Variants in NAT10 observed in about 807,000 individuals in gnomAD.
NAT10 encodes N-acetyltransferase 10.
In NAT10, 109 loss-of-function variants were observed where a neutral mutation model predicts 132.2. The ratio of observed to expected loss-of-function variants is 0.82; its 90% CI spans 0.71 to 0.97. NAT10 has a LOEUF of 0.97. Among genes scored for constraint, NAT10 ranks in the 50% least tolerant of loss-of-function variants. The probability of loss-of-function intolerance (pLI) is 0.00; values close to 1 mark genes in which losing one functional copy is unlikely to be tolerated. For missense variants in NAT10, 1,184 were observed against 1,263.4 expected (o/e 0.94, Z 0.95); for synonymous variants, 479 against 478.0 (o/e 1.00, Z -0.03).
At chr11:34,118,698 G>T (rs1045140331) in intron 8 of NAT10, among the ~76,000 whole-genome samples, 195 bp downstream of exon 8, 5 of 151,940 alleles carry the variant, frequency 3.3e-5, no homozygotes, top group African/African-American at 1.2e-4. Flanking sequence ...AGAAGTCTGG[G>T]GATTACCTCC....
rs535748638 is a variant in NAT10 at position 34,145,137 on chromosome 11, G to A, written c.2970-947G>A. Among the ~76,000 whole-genome samples the A allele has an allele frequency of 2.6e-5, 4 of 152,328 alleles. No homozygotes were observed. The South Asian group carries it at 6.2e-4, about 24-fold the overall frequency. On this transcript the variant is annotated intron_variant, in intron 28 of 28. Coordinates refer to ENST00000257829, the MANE Select transcript of NAT10 (RefSeq NM_024662.3). ...GTGGCTTTGACTGGAACAAAAGGCCGGGGAGCATGCTTGCTGTGGAGACGG... is the reference window on the plus strand; with the variant it reads ...GTGGCTTTGACTGGAACAAAAGGCCAGGGAGCATGCTTGCTGTGGAGACGG...
chr11:34,130,033 G>A (rs2132962629), intron 12 of NAT10, among the ~76,000 whole-genome samples: 1 of 151,940 alleles, frequency 6.6e-6, no homozygotes, highest in African/African-American at 2.4e-5. Context: ...GGTGTGGAGA[G>A]TGGGCATAAA....
At chr11:34,131,690 C>CTTTT (rs372631421) in intron 14 of NAT10, among the ~76,000 whole-genome samples, 159 bp downstream of exon 14, 2 of 123,918 alleles carry the variant, frequency 1.6e-5, no homozygotes, top group Admixed American at 8.1e-5. Flanking sequence ...TTTTTTCTTT[C>CTTTT]TTTTTTTTTT....
chr11:34,118,043 T>C, intron 6 of NAT10, 137 bp from the exon 7 acceptor site: 1 of 634,714 alleles, frequency 1.6e-6, no homozygotes, highest in Non-Finnish European at 2.8e-6. Flanking sequence ...CTCACACTGC[T>C]CTCCAACTAG....
At chr11:34,107,501 GCTA>G (rs1851616266) in intron 1 of NAT10, among the ~76,000 whole-genome samples, 1 of 152,166 alleles carries the variant, frequency 6.6e-6, no homozygotes, top group South Asian at 2.1e-4. Context: ...TCCAGAAGTA[GCTA>G]CTTTATACTT....
At chr11:34,114,006 A>G (rs964902252) in intron 5 of NAT10, among the ~76,000 whole-genome samples, 168 bp downstream of exon 5, 4 of 152,184 alleles carry the variant, frequency 2.6e-5, no homozygotes, top group Admixed American at 6.5e-5. Flanking sequence ...CTACAGTTAA[A>G]TCTCAGGGTC....
At chr11:34,123,888 G>A (rs779712686) in intron 10 of NAT10, 33 bp downstream of exon 10, 2 of 1,534,904 alleles carry the variant, frequency 1.3e-6, no homozygotes, top group Non-Finnish European at 9.0e-7. Context: ...TTTTATTTTG[G>A]ACCTGGTGTG....
chr11:34,130,507 T>C (rs1286446119), intron 12 of NAT10, among the ~76,000 whole-genome samples: 3 of 152,250 alleles, frequency 2.0e-5, no homozygotes, highest in Non-Finnish European at 4.4e-5. Flanking sequence ...ATCACAGTCC[T>C]GTGAGGTGTA....
At chr11:34,123,455 A>C (rs1851930699) in intron 9 of NAT10, among the ~76,000 whole-genome samples, 1 of 152,262 alleles carries the variant, frequency 6.6e-6, no homozygotes, top group Non-Finnish European at 1.5e-5. Context: ...GCGTCAGCAC[A>C]GCTAGTGATG....
chr11:34,114,759 C>T (rs957582774), intron 5 of NAT10, among the ~76,000 whole-genome samples: 3 of 152,208 alleles, frequency 2.0e-5, no homozygotes, highest in African/African-American at 2.4e-5. Flanking sequence ...TAGGCAGCTC[C>T]GCCTGTCACT....
rs778685348 is a variant in NAT10 at position 34,118,200 on chromosome 11, C to T, written c.578C>T (p.Ser193Phe). The change falls in exon 7 of 29, where the codon TCT becomes TTT. Residue 193 changes from serine (S) to phenylalanine (F), a missense_variant. Physicochemically the swap from Ser to Phe is radical, Grantham distance 155 (BLOSUM62 -2). Transcript: ENST00000257829. ...CTCAGGTTTATTCTGTCTCTGGCCT[C>T]TTGTAAGAAGTGTCTCGTCATTGAT... ...FNERFILSLA[S>F]CKKCLVIDDQ... 4 of 1,614,184 alleles carry T rather than the reference C, an allele frequency of 2.5e-6. No individual in the cohort carries two copies. Among genetic ancestry groups the T allele is most frequent in the South Asian group, 1.1e-5 (1 of 91,088 alleles).
chr11:34,108,809 A>G lies in NAT10; in HGVS notation c.176A>G (p.Tyr59Cys). The change falls in exon 3 of 29, where the codon TAT becomes TGT. Residue 59 changes from tyrosine to cysteine, a missense_variant. Tyr to Cys is a radical substitution (Grantham distance 194). Coordinates refer to ENST00000257829, the MANE Select transcript of NAT10 (RefSeq NM_024662.3). ...VKARPSVLWCYKKELGFSSHR... is the reference protein window; with the variant it reads ...VKARPSVLWCCKKELGFSSHR... ...GCTCGGCCTTCAGTGCTGTGGTGTT[A>G]TAAGAAAGAGCTGGGGTTTAGCAGG... 6.2e-7 allele frequency: 1 copy of G among 1,613,936 alleles called. No homozygotes were observed.
intron 1 of NAT10, chr11:34,107,358 A>G (rs1851614429): frequency 6.6e-6 from 1 of 152,218 alleles, no homozygotes; most frequent in African/African-American, 2.4e-5. Flanking sequence ...TTTTCCCTAA[A>G]ATGAGGAAAC....
chr11:34,106,626 A>G (rs191671731), intron 1 of NAT10, among the ~76,000 whole-genome samples: 4 of 152,320 alleles, frequency 2.6e-5, no homozygotes, highest in African/African-American at 9.6e-5. Flanking sequence ...GGCCGGCAAC[A>G]CAAGGTTTAC....
chr11:34,122,724 T>G, intron 9 of NAT10, 132 bp downstream of exon 9: 13 of 1,212,424 alleles, frequency 1.1e-5, no homozygotes, highest in Non-Finnish European at 1.5e-5. Context: ...GTGATTTCTC[T>G]AGGTCTTGAT....
At chr11:34,110,584 T>TA (rs1240210551) in intron 3 of NAT10, among the ~76,000 whole-genome samples, 3 of 140,158 alleles carry the variant, frequency 2.1e-5, no homozygotes, top group Non-Finnish European at 4.6e-5. Context: ...TTTTTTTTTT[T>TA]ACTTTCAGGT....
At chr11:34,122,417 G>A (rs1851909971) in intron 8 of NAT10, 42 bp from the exon 9 acceptor site, 2 of 1,610,716 alleles carry the variant, frequency 1.2e-6, no homozygotes, top group Non-Finnish European at 8.5e-7. Context: ...TGGAAACTTG[G>A]GTCTTTCTTG....
chr11:34,130,666 C>T (rs1852087851), intron 12 of NAT10, 147 bp from the exon 13 acceptor site: 25 of 1,060,742 alleles, frequency 2.4e-5, no homozygotes, highest in Non-Finnish European at 3.4e-5. Flanking sequence ...CAGGTGCCTG[C>T]TATGCTGGAA....
chr11:34,112,339 A>G, intron 4 of NAT10, 116 bp downstream of exon 4: 5 of 1,213,702 alleles, frequency 4.1e-6, no homozygotes, highest in Non-Finnish European at 5.8e-6. Context: ...CATGTTCCCT[A>G]TGCCCAAGCA....
Sources: allele counts gnomAD v4.1 joint callset (sites outside exome capture counted in the v4.1 genomes callset), GRCh38; gene constraint gnomAD v4.1.1; transcripts MANE v1.5; gene names NCBI Gene and HGNC (gene_info 2026-07-23, HGNC 2026-07-21).